FSTL4: variants seen among roughly 807,000 people sequenced by gnomAD.
FSTL4 encodes follistatin-related protein 4.
In FSTL4, 28 loss-of-function variants were observed where a neutral mutation model predicts 78.2. The observed-to-expected ratio is 0.36, with a 90% CI of 0.27 to 0.49. FSTL4 has a LOEUF of 0.49. FSTL4 is among the 20% of genes least tolerant of loss of function. FSTL4 has a pLI of 0.98. For synonymous variants in FSTL4, 422 were observed against 440.5 expected (o/e 0.96, Z 0.53); for missense variants, 922 against 1,084.9 (o/e 0.85, Z 2.11).
chr5:133,575,855 C>T (rs1301784021), intron 2 of FSTL4, among the ~76,000 whole-genome samples: 4 of 152,212 alleles, frequency 2.6e-5, no homozygotes, highest in Non-Finnish European at 5.9e-5. Context: ...GTATAAATCA[C>T]ACTTTCTTGA....
chr5:133,725,972 G>A, the FSTL4 span, among the ~76,000 whole-genome samples: 6 of 152,194 alleles, frequency 3.9e-5, no homozygotes, highest in Non-Finnish European at 8.8e-5. Flanking sequence ...GCATTCTCCT[G>A]TGGTCTGAAG....
chr5:133,702,028 C>T, the FSTL4 span, among the ~76,000 whole-genome samples: 2 of 152,194 alleles, frequency 1.3e-5, no homozygotes, highest in Admixed American at 1.3e-4. Flanking sequence ...GCCCCTGAAA[C>T]CATCCCCCAC....
chr5:133,400,936 T>A lies in FSTL4; in HGVS notation c.211A>T (p.Ser71Cys). ...CTGAGCACGCACCGGCTCCCTCGGC[T>A]GCAGAACTTCTTCCCGCAGGAGGCC... ...LLASCGKKFC[S>C]RGSRCVLSRK... The change falls in exon 4 of 16, where the codon AGC (serine) becomes TGC (cysteine). Residue 71 changes from serine (S) to cysteine (C), a missense_variant. By Grantham distance (112) the Ser-to-Cys change is moderately radical. Transcript: ENST00000265342. The A allele has an allele frequency of 6.2e-7, 1 of 1,613,452 alleles. No individual in the cohort carries two copies. The highest frequency in any genetic ancestry group is 8.5e-7 in the Non-Finnish European group (1 of 1,180,028).
At chr5:133,444,093 G>A (rs980821119) in intron 3 of FSTL4, among the ~76,000 whole-genome samples, 8 of 152,294 alleles carry the variant, frequency 5.3e-5, no homozygotes, top group Admixed American at 2.0e-4. Context: ...GTCTGGATTG[G>A]TGACTGCTGT....
At chr5:133,778,415 G>A in the FSTL4 span, among the ~76,000 whole-genome samples, 1 of 152,122 alleles carries the variant, frequency 6.6e-6, no homozygotes, top group African/African-American at 2.4e-5. Flanking sequence ...TTAATTTCTG[G>A]AAAAAACATA....
chr5:133,446,460 C>T (rs1053443107), intron 3 of FSTL4, among the ~76,000 whole-genome samples: 4 of 152,134 alleles, frequency 2.6e-5, no homozygotes, highest in African/African-American at 4.8e-5. Flanking sequence ...CTCACGCTCT[C>T]GTCCACTAGT....
the FSTL4 span, among the ~76,000 whole-genome samples, chr5:133,751,022 G>A: frequency 6.6e-6 from 1 of 151,936 alleles, no homozygotes; most frequent in African/African-American, 2.4e-5. Flanking sequence ...TGTCCCCCCA[G>A]CTTGACTCTT....
the FSTL4 span, among the ~76,000 whole-genome samples, chr5:133,806,373 G>C: frequency 6.6e-6 from 1 of 152,192 alleles, no homozygotes; most frequent in Non-Finnish European, 1.5e-5. Flanking sequence ...CTCAATTACA[G>C]AGGTGCTCAT....
Position 133,202,055 on chromosome 5 carries a change from G to C in FSTL4, c.1717-13C>G. On this transcript the variant is annotated splice_polypyrimidine_tract_variant and intron_variant, in intron 14 of 15. Coordinates refer to ENST00000265342, the MANE Select transcript of FSTL4 (RefSeq NM_015082.2). ...CTTCTGTGATCACCTACAACACAGA[G>C]TGGGAATCCTAGTGAGGGCCCATGC... The C allele has an allele frequency of 6.4e-7, 1 of 1,560,676 alleles. No homozygotes were observed. The highest frequency in any genetic ancestry group is 8.8e-7 in the Non-Finnish European group (1 of 1,140,208).
At chr5:133,240,247 C>G (rs563593974) in intron 7 of FSTL4, among the ~76,000 whole-genome samples, 1 of 152,264 alleles carries the variant, frequency 6.6e-6, no homozygotes, top group Admixed American at 6.5e-5. Flanking sequence ...TGCGAGGGTC[C>G]GCGGCTTCAT....
At chr5:133,233,696 G>A (rs1561633916) in intron 7 of FSTL4, among the ~76,000 whole-genome samples, 159 bp from the exon 8 acceptor site, 1 of 152,196 alleles carries the variant, frequency 6.6e-6, no homozygotes, top group Non-Finnish European at 1.5e-5. Context: ...GAGCCGTCCT[G>A]GGCAGCAGCA....
intron 3 of FSTL4, among the ~76,000 whole-genome samples, chr5:133,494,127 C>A (rs1479898694): frequency 6.6e-6 from 1 of 152,152 alleles, no homozygotes; most frequent in Non-Finnish European, 1.5e-5. Context: ...GTATTATTAT[C>A]CATTTTACAG....
At chr5:133,569,200 A>G (rs2112945946) in intron 2 of FSTL4, among the ~76,000 whole-genome samples, 1 of 152,280 alleles carries the variant, frequency 6.6e-6, no homozygotes, top group South Asian at 2.1e-4. Context: ...GTATTTATGT[A>G]ATTTGCAAAC....
intron 2 of FSTL4, among the ~76,000 whole-genome samples, chr5:133,573,216 C>G (rs1424991332): frequency 6.6e-6 from 1 of 151,138 alleles, no homozygotes; most frequent in Non-Finnish European, 1.5e-5. Context: ...TGCACTCCAG[C>G]CTGGGAGACA....
chr5:133,505,735 A>G (rs1033669139), intron 3 of FSTL4, among the ~76,000 whole-genome samples: 1 of 152,246 alleles, frequency 6.6e-6, no homozygotes, highest in Non-Finnish European at 1.5e-5. Context: ...CTGCAACTCT[A>G]TCACCTACGT....
At chr5:133,218,834 C>T (rs773968583) in intron 12 of FSTL4, among the ~76,000 whole-genome samples, 1 of 152,194 alleles carries the variant, frequency 6.6e-6, no homozygotes, top group Non-Finnish European at 1.5e-5. Context: ...TTTCTGCATT[C>T]ATTTGTCTAC....
At chr5:133,721,345 T>A in the FSTL4 span, among the ~76,000 whole-genome samples, 3 of 152,242 alleles carry the variant, frequency 2.0e-5, no homozygotes, top group Non-Finnish European at 4.4e-5. Context: ...TTTCTGGATC[T>A]GGCTACACAT....
the FSTL4 span, among the ~76,000 whole-genome samples, chr5:133,822,710 T>A: frequency 6.6e-6 from 1 of 152,196 alleles, no homozygotes; most frequent in Non-Finnish European, 1.5e-5. Context: ...ATGAATCCCA[T>A]CTTTAATAAA....
chr5:133,794,093 G>A, the FSTL4 span, among the ~76,000 whole-genome samples: 1 of 152,180 alleles, frequency 6.6e-6, no homozygotes, highest in Non-Finnish European at 1.5e-5. Context: ...CCTTGAACAT[G>A]GGGCTGCACC....
Sources: gnomAD v4.1 joint callset for allele counts (sites outside exome capture counted in the v4.1 genomes callset) on GRCh38, gnomAD v4.1.1 for gene constraint, MANE v1.5 for transcripts, NCBI Gene and HGNC (gene_info 2026-07-23, HGNC 2026-07-21) for gene names.